The following REXO1 variants were observed in gnomAD, a reference collection of about 807,000 sequenced individuals.
REXO1 encodes the protein RNA exonuclease 1 homolog, also known as REX1, RNA exonuclease 1 homolog.
In REXO1, 42 loss-of-function variants were observed where a neutral mutation model predicts 102.6. The observed-to-expected ratio is 0.41, with a 90% CI of 0.32 to 0.53. The LOEUF (loss-of-function observed/expected upper bound fraction) is 0.53, where lower values mean the gene tolerates loss of function less well. REXO1 is among the 20% of genes least tolerant of loss of function. REXO1 has a pLI of 0.27. For missense variants in REXO1, 1,819 were observed against 1,732.5 expected, an observed-to-expected ratio of 1.05 and a Z score of -0.89; for synonymous variants, 908 against 779.1, an observed-to-expected ratio of 1.17 and a Z score of -2.76.
chr19:1,831,654 C>T (rs1197335555), intron 1 of REXO1, among the ~76,000 whole-genome samples: 1 of 151,484 alleles, frequency 6.6e-6, no homozygotes, highest in East Asian at 1.9e-4. Context: ...ACCAGCCTGA[C>T]CAACAAGGAA....
At chr19:1,844,710 G>A (rs1005211355) in intron 1 of REXO1, among the ~76,000 whole-genome samples, 2 of 152,218 alleles carry the variant, frequency 1.3e-5, no homozygotes, top group Admixed American at 1.3e-4. Context: ...TCCTGAACCC[G>A]ACTGCGGGAT....
At chr19:1,821,411 G>T in intron 5 of REXO1, 108 bp downstream of exon 5, 1 of 1,319,374 alleles carries the variant, frequency 7.6e-7, no homozygotes, top group Non-Finnish European at 1.1e-6. Context: ...TGTGGAGCAC[G>T]AAGGCCCGCA....
rs377249047 is a variant in REXO1, at chr19:1,826,422, TG to T, written c.1911+455del. 2.2e-5 allele frequency among the ~76,000 whole-genome samples: 3 copies of T among 134,830 alleles called. No individual in the cohort carries two copies. In the East Asian group the frequency reaches 6.4e-4, roughly 29 times the overall value. The allele number at this position is 134,830 out of a possible 152,430, so 88.5% of individuals were successfully genotyped here. A position where few individuals can be genotyped will look rare whatever the true frequency, so the allele number is the denominator to read the frequency against. On this transcript the variant is annotated intron_variant, in intron 2 of 15. Transcript: ENST00000170168. This position sits in a 1 kb window ranked among gnomAD's most constrained non-coding sequence, Gnocchi z 4.3. ...GGGAGGAGAAAGGAGCCGGAGGGGATGAGGAGGAGGCAAGGAGAGGAGACAG... is the reference window on the plus strand; with the variant it reads ...GGGAGGAGAAAGGAGCCGGAGGGGATAGGAGGAGGCAAGGAGAGGAGACAG...
Position 1,823,754 on chromosome 19 carries a change from G to A in REXO1, c.2048C>T (p.Pro683Leu), listed in dbSNP as rs746292577. ...CTGCGCCGTCGGGGGCCGGGCCGGG[G>A]GCACCGCGGGACCCCTCCTCGGGGG... ...VEPPRRGPAV[P>L]PARPPTAQEV... The change falls in exon 4 of 16, where the codon CCC (proline) becomes CTC (leucine). Residue 683 changes from proline to leucine, a missense_variant. Pro to Leu is a moderately conservative substitution (Grantham distance 98, BLOSUM62 -3). Coordinates refer to ENST00000170168, the MANE Select transcript of REXO1 (RefSeq NM_020695.4). 2.1e-5 allele frequency: 27 copies of A among 1,258,692 alleles called. No homozygotes were observed. Among genetic ancestry groups the A allele is most frequent in the South Asian group, 1.5e-4 (4 of 27,018 alleles). 78.0% of individuals were successfully genotyped at this position (1,258,692 alleles called of 1,614,324 possible).
At chr19:1,821,118 C>T (rs1284456736) in intron 5 of REXO1, among the ~76,000 whole-genome samples, 1 of 151,966 alleles carries the variant, frequency 6.6e-6, no homozygotes. Context: ...GAGGCCGAGG[C>T]GGGTGGATCA....
chr19:1,829,035 C>A (rs1210213561), intron 1 of REXO1, among the ~76,000 whole-genome samples: 1 of 152,226 alleles, frequency 6.6e-6, no homozygotes, highest in East Asian at 1.9e-4. Flanking sequence ...TGGGCTGGGC[C>A]GACAACCACA....
chr19:1,827,576 C>T lies in REXO1; in HGVS notation c.1213G>A (p.Gly405Arg). 6.3e-7 allele frequency: 1 copy of T among 1,594,684 alleles called. No homozygotes were observed. The highest frequency in any genetic ancestry group is 8.5e-7 in the Non-Finnish European group (1 of 1,176,518). Reference sequence around the variant, plus strand: ...GCACGGGGCTTCTCCACAGGCCGCCCTCGGCCCTTGTCCTTGGTCTTGTCC... The same window carrying T: ...GCACGGGGCTTCTCCACAGGCCGCCTTCGGCCCTTGTCCTTGGTCTTGTCC... Reference protein sequence around the residue: ...GKDKTKDKGRGRPVEKPRADK... With the variant: ...GKDKTKDKGRRRPVEKPRADK... The change falls in exon 2 of 16, where the codon GGG (glycine) becomes AGG (arginine). Residue 405 changes from glycine to arginine, a missense_variant. By Grantham distance (125) the Gly-to-Arg change is moderately radical (BLOSUM62 -2). Transcript: ENST00000170168.
intron 1 of REXO1, among the ~76,000 whole-genome samples, chr19:1,845,986 C>T (rs1458683838): frequency 6.6e-6 from 1 of 152,228 alleles, no homozygotes; most frequent in African/African-American, 2.4e-5. Context: ...GCAAATAGCT[C>T]ACAGGGTCAC....
chr19:1,817,626 T>G, intron 11 of REXO1, 81 bp downstream of exon 11: 2 of 1,492,792 alleles, frequency 1.3e-6, no homozygotes, highest in Admixed American at 3.9e-5. Context: ...GACTGTGCTG[T>G]GTCCCGAGAC....
Position 1,816,681 on chromosome 19 carries a change from G to A in REXO1, c.3317+17C>T. ...CGGCTGGGAGGGCTCCCAGCTCGTGGAGGGCACTGGCCACACCTGGTGTTG... is the reference window on the plus strand; with the variant it reads ...CGGCTGGGAGGGCTCCCAGCTCGTGAAGGGCACTGGCCACACCTGGTGTTG... On this transcript the variant is annotated intron_variant, in intron 13 of 15. Transcript: ENST00000170168. 2 of 1,610,280 alleles carry A rather than the reference G, an allele frequency of 1.2e-6. No individual in the cohort carries two copies. The highest frequency in any genetic ancestry group is 8.5e-7 in the Non-Finnish European group (1 of 1,177,860).
In REXO1 at chr19:1,825,828, G is replaced by A; in HGVS notation, c.2016+11C>T. 6.4e-7 allele frequency: 1 copy of A among 1,566,638 alleles called. No homozygotes were observed. Among genetic ancestry groups the A allele is most frequent in the Non-Finnish European group, 8.8e-7 (1 of 1,138,868 alleles). On this transcript the variant is annotated intron_variant, in intron 3 of 15. Transcript: ENST00000170168. ...AAAGGCTCCTGCTGGCCTGGCCTCT[G>A]CGGACCTTACCTCCTGGCCTTGCTT... is the stretch of plus-strand genomic sequence containing the variant.
intron 1 of REXO1, among the ~76,000 whole-genome samples, chr19:1,842,559 G>A (rs1277125707): frequency 6.6e-6 from 1 of 152,258 alleles, no homozygotes; most frequent in Non-Finnish European, 1.5e-5. Context: ...CCTGGAGGCA[G>A]CTCCGGGCCC....
At chr19:1,820,931 C>T (rs1450959832) in intron 5 of REXO1, among the ~76,000 whole-genome samples, 2 of 149,802 alleles carry the variant, frequency 1.3e-5, no homozygotes, top group African/African-American at 4.9e-5. Flanking sequence ...CCCAGGAGGT[C>T]GAGGTTGCAG....
intron 1 of REXO1, among the ~76,000 whole-genome samples, chr19:1,833,368 T>C (rs2069956899): frequency 6.6e-6 from 1 of 152,216 alleles, no homozygotes; most frequent in Non-Finnish European, 1.5e-5. Flanking sequence ...CACAGGTTCT[T>C]CTTTGCCTGT....
chr19:1,820,357 G>T lies in REXO1; in HGVS notation c.2433C>A (p.Gly811=), dbSNP rs776738430. ...GCTGGCGGATGACGGTGGGGACTTT[G>T]CCCCCAAACTCTTTGGGGATAATGG... ...KKPIIPKEFG[G]KVPTVIRQRY... is the part of the protein sequence containing the mutation. Residue 811 remains glycine, a synonymous_variant, in exon 6 of 16, where the codon GGC becomes GGA. Coordinates refer to ENST00000170168, the MANE Select transcript of REXO1 (RefSeq NM_020695.4). 6.2e-6 allele frequency: 10 copies of T among 1,613,812 alleles called. 2 individuals carry two copies. In the South Asian group the frequency reaches 8.8e-5, roughly 14 times the overall value.
intron 3 of REXO1, among the ~76,000 whole-genome samples, chr19:1,824,722 G>A (rs992157956): frequency 1.3e-5 from 2 of 152,164 alleles, no homozygotes; most frequent in African/African-American, 2.4e-5. Context: ...TTTACAAAAA[G>A]CGTCACAGAT....
chr19:1,819,276 C>T (rs1184558404), intron 7 of REXO1, 145 bp from the exon 8 acceptor site: 7 of 643,774 alleles, frequency 1.1e-5, no homozygotes, highest in Non-Finnish European at 1.6e-5. Flanking sequence ...CCCCGGGTTC[C>T]AGCCTGACCC....
At chr19:1,825,107 C>A (rs1001464027) in intron 3 of REXO1, among the ~76,000 whole-genome samples, 10 of 149,072 alleles carry the variant, frequency 6.7e-5, no homozygotes, top group African/African-American at 2.5e-4. Context: ...CGAGACCAGT[C>A]TGGCCAACAT....
At chr19:1,837,636 G>A (rs1355766046) in intron 1 of REXO1, among the ~76,000 whole-genome samples, 1 of 152,200 alleles carries the variant, frequency 6.6e-6, no homozygotes, top group Non-Finnish European at 1.5e-5. Context: ...TTGCTGTGGA[G>A]GCTGGGCTGT....
Sources: allele counts gnomAD v4.1 joint callset (sites outside exome capture counted in the v4.1 genomes callset), GRCh38; gene constraint gnomAD v4.1.1; non-coding constraint Gnocchi (gnomAD v3.1); transcripts MANE v1.5; gene names NCBI Gene and HGNC (gene_info 2026-07-23, HGNC 2026-07-21).